Variants in NFATC2 observed in about 807,000 individuals in gnomAD.
NFATC2 encodes the protein nuclear factor of activated T-cells, cytoplasmic 2.
A neutral mutation model predicts 87.3 loss-of-function variants in NFATC2; 22 were observed. The observed-to-expected ratio is 0.25, with a 90% CI of 0.18 to 0.36. NFATC2 has a LOEUF of 0.36. Among genes scored for constraint, NFATC2 ranks in the 10% least tolerant of loss-of-function variants. NFATC2 has a pLI of 1.00. For missense variants in NFATC2, 1,149 were observed against 1,259.1 expected (o/e 0.91, Z 1.32); for synonymous variants, 565 against 542.2 (o/e 1.04, Z -0.58).
intron 1 of NFATC2, among the ~76,000 whole-genome samples, chr20:51,533,582 C>G (rs181534666): frequency 1.3e-5 from 2 of 152,194 alleles, no homozygotes; most frequent in Non-Finnish European, 2.9e-5. Flanking sequence ...GTCCATGGAA[C>G]CACTGGAAAA....
At chr20:51,400,241 T>G (rs1309697426) in intron 9 of NFATC2, among the ~76,000 whole-genome samples, 2 of 152,146 alleles carry the variant, frequency 1.3e-5, no homozygotes, top group Admixed American at 6.5e-5. Context: ...AGCTCTAAAG[T>G]TCTGTAATGA....
chr20:51,397,697 C>G (rs10153979), intron 10 of NFATC2, among the ~76,000 whole-genome samples: 22,756 of 152,146 alleles, frequency 0.15, 1,897 homozygotes, highest in East Asian at 0.25. Context: ...GCTCCTCCCC[C>G]CAGGGCTTCC....
rs889221536 is a variant in NFATC2, at chr20:51,388,597, A to G, written c.*2899T>C. ...AATCTAATTCCAACAGGGGTGTAAT[A>G]TTTTGAGGACAGGTAAAAAGCATAA... On this transcript the variant is annotated 3_prime_UTR_variant, in exon 11 of 11. Transcript: ENST00000371564. The G allele has an allele frequency of 2.6e-5, 4 of 152,202 alleles. No individual in the cohort carries two copies. Among genetic ancestry groups the G allele is most frequent in the African/African-American group, 9.6e-5 (4 of 41,454 alleles). The allele number at this position is 152,202 out of a possible 1,614,324, so 9.4% of individuals were successfully genotyped here.
Position 51,387,000 on chromosome 20 carries a change from C to T in NFATC2, c.*4496G>A, listed in dbSNP as rs200299005. ...GTTTTATTGCTAAACTATCATGATA[C>T]AAGCCGTATAAAAATACTTTACATA... On this transcript the variant is annotated 3_prime_UTR_variant, in exon 11 of 11. Coordinates refer to ENST00000371564, the MANE Select transcript of NFATC2 (RefSeq NM_012340.5). 1 of 152,106 alleles carries T rather than the reference C, an allele frequency of 6.6e-6. No individual in the cohort carries two copies. 9.4% of individuals were successfully genotyped at this position (152,106 alleles called of 1,614,324 possible).
At chr20:51,409,801 A>T (rs1978912180) in intron 9 of NFATC2, among the ~76,000 whole-genome samples, 1 of 152,242 alleles carries the variant, frequency 6.6e-6, no homozygotes, top group Non-Finnish European at 1.5e-5. Context: ...CAGTACAAAG[A>T]TGGCAAAGAG....
chr20:51,405,627 C>T (rs1988486918), intron 9 of NFATC2, among the ~76,000 whole-genome samples: 1 of 152,168 alleles, frequency 6.6e-6, no homozygotes, highest in East Asian at 1.9e-4. Context: ...CATTTTAACA[C>T]CAACCTCTCA....
At chr20:51,535,756 C>A (rs1241821471) in intron 1 of NFATC2, among the ~76,000 whole-genome samples, 2 of 152,066 alleles carry the variant, frequency 1.3e-5, no homozygotes, top group African/African-American at 4.8e-5. Context: ...TTTTTTTCCC[C>A]CTCATTTAAC....
At chr20:51,494,141 G>A (rs922526532) in intron 3 of NFATC2, among the ~76,000 whole-genome samples, 2 of 151,904 alleles carry the variant, frequency 1.3e-5, no homozygotes, top group African/African-American at 4.8e-5. Flanking sequence ...CCGTTACTTT[G>A]CTTGGTTATG....
Position 51,389,261 on chromosome 20 carries a change from C to A in NFATC2, c.*2235G>T, listed in dbSNP as rs1986080118. ...CATTAGTCCTTTTTCACCCTGTGGA[C>A]AAGGAAGCTGAGCTACTTTGCTACA... On this transcript the variant is annotated 3_prime_UTR_variant, in exon 11 of 11. Coordinates refer to ENST00000371564, the MANE Select transcript of NFATC2 (RefSeq NM_012340.5). The A allele has an allele frequency of 6.6e-6, 1 of 152,134 alleles. No individual in the cohort carries two copies. Among genetic ancestry groups the A allele is most frequent in the African/African-American group, 2.4e-5 (1 of 41,428 alleles). 9.4% of individuals were successfully genotyped at this position (152,134 alleles called of 1,614,324 possible).
intron 6 of NFATC2, among the ~76,000 whole-genome samples, chr20:51,447,791 A>G (rs1985261252): frequency 6.6e-6 from 1 of 152,236 alleles, no homozygotes; most frequent in Non-Finnish European, 1.5e-5. Flanking sequence ...TGAGAATGAT[A>G]AATAGGAAAG....
chr20:51,522,927 C>T (rs1188661744), intron 2 of NFATC2, among the ~76,000 whole-genome samples, 154 bp downstream of exon 2: 1 of 152,216 alleles, frequency 6.6e-6, no homozygotes, highest in African/African-American at 2.4e-5. Context: ...ATTTAACTTC[C>T]GTCTCAGGGT....
At chr20:51,532,707 T>C (rs560256363) in intron 1 of NFATC2, among the ~76,000 whole-genome samples, 5 of 152,278 alleles carry the variant, frequency 3.3e-5, no homozygotes, top group Admixed American at 2.0e-4. Context: ...CAGATCACTT[T>C]TGAAAAAAGG....
intron 9 of NFATC2, among the ~76,000 whole-genome samples, chr20:51,399,672 A>AAGCACTTCATCTCTCCTCC (rs1362137585): frequency 6.6e-6 from 1 of 152,134 alleles, no homozygotes; most frequent in Non-Finnish European, 1.5e-5. Context: ...GGGGCAAAAG[A>AAGCACTTCATCTCTCCTCC]AGCACTTCAT....
intron 1 of NFATC2, among the ~76,000 whole-genome samples, chr20:51,540,658 G>GTTTTTTTTTTTTTTTTTTTTTTTTTTT (rs397864888): frequency 4.5e-5 from 5 of 110,074 alleles, no homozygotes; most frequent in African/African-American, 1.1e-4. Context: ...TTTTTTTTTT[G>GTTTTTTTTTTTTTTTTTTTTTTTTTTT]TTTTTTTTTT....
At chr20:51,436,846 C>G (rs1282762190) in intron 6 of NFATC2, among the ~76,000 whole-genome samples, 1 of 152,236 alleles carries the variant, frequency 6.6e-6, no homozygotes, top group African/African-American at 2.4e-5. Context: ...AGGTCCCTGA[C>G]TGTCCCAGAC....
At chr20:51,398,892 C>T in intron 9 of NFATC2, 162 bp from the exon 10 acceptor site, 1 of 608,526 alleles carries the variant, frequency 1.6e-6, no homozygotes, top group East Asian at 2.8e-5. Context: ...GCATTTGTGC[C>T]AGAATTAACC....
chr20:51,543,090 C>A (rs1385460606), upstream of NFATC2, among the ~76,000 whole-genome samples: 1 of 152,188 alleles, frequency 6.6e-6, no homozygotes, highest in African/African-American at 2.4e-5. Context: ...CCACCCCCTT[C>A]TATTGCAGAC....
In NFATC2 at chr20:51,534,114, C is replaced by A. The variant is rs190953307; in HGVS notation, c.130+8256G>T. Among the ~76,000 whole-genome samples, 791 of 152,278 alleles carry A rather than the reference C, an allele frequency of 5.2e-3. 11 individuals carry two copies. Among genetic ancestry groups the A allele is most frequent in the African/African-American group, 0.018 (762 of 41,544 alleles). On this transcript the variant is annotated intron_variant, in intron 1 of 10. Transcript: ENST00000371564. Reference sequence around the variant, plus strand: ...CTGTTCTCTCTGCAGTTTACATAAACCCCTGGAGATAGCTACTCCGAACAC... The same window carrying A: ...CTGTTCTCTCTGCAGTTTACATAAAACCCTGGAGATAGCTACTCCGAACAC...
In NFATC2 at chr20:51,432,714, G is replaced by A; in HGVS notation, c.2075C>T (p.Thr692Ile). 14 of 1,588,098 alleles carry A rather than the reference G, an allele frequency of 8.8e-6. No homozygotes were observed. The highest frequency in any genetic ancestry group is 1.1e-5 in the Non-Finnish European group (13 of 1,174,406). Residue 692 changes from threonine to isoleucine, a missense_variant, in exon 9 of 11, where the codon ACT (threonine) becomes ATT (isoleucine). Physicochemically the swap from Thr to Ile is moderately conservative, Grantham distance 89. Transcript: ENST00000371564. This position sits in a 1 kb window ranked among gnomAD's most constrained non-coding sequence, Gnocchi z 4.6. ...TCCATGGGTGGGGCTGCAGATCAGA[G>A]TGGGGTCATATTCATCCGTGGGCTC... ...KTEPTDEYDPTLICSPTHGGL... is the reference protein window; with the variant it reads ...KTEPTDEYDPILICSPTHGGL...
Sources: gnomAD v4.1 joint callset for allele counts (sites outside exome capture counted in the v4.1 genomes callset) on GRCh38, gnomAD v4.1.1 for gene constraint, Gnocchi (gnomAD v3.1) non-coding constraint, MANE v1.5 for transcripts, NCBI Gene and HGNC (gene_info 2026-07-23, HGNC 2026-07-21) for gene names.